Variants in DIS3L2 observed in about 807,000 individuals in gnomAD.
DIS3L2 encodes DIS3-like exonuclease 2.
Under a neutral mutation model 97.5 loss-of-function variants are expected in DIS3L2, and 34 were observed. The observed-to-expected ratio is 0.35, with a 90% CI of 0.27 to 0.46. The LOEUF (loss-of-function observed/expected upper bound fraction) is 0.46. Ranked by LOEUF, DIS3L2 falls within the 20% of genes least tolerant of loss-of-function variation. The probability of loss-of-function intolerance (pLI) is 1.00; values close to 1 mark genes in which losing one functional copy is unlikely to be tolerated. For synonymous variants in DIS3L2, 435 were observed against 445.2 expected, an observed-to-expected ratio of 0.98 and a Z score of 0.29; for missense variants, 1,038 against 1,146.0, an observed-to-expected ratio of 0.91 and a Z score of 1.36.
intron 14 of DIS3L2, among the ~76,000 whole-genome samples, chr2:232,305,232 C>T (rs184954332): frequency 1.3e-3 from 198 of 152,150 alleles, no homozygotes; most frequent in African/African-American, 4.5e-3. Context: ...CGCACCACCA[C>T]GCAGGGCTAA....
chr2:232,155,227 C>A (rs1291321778), intron 8 of DIS3L2, among the ~76,000 whole-genome samples: 1 of 57,490 alleles, frequency 1.7e-5, no homozygotes, highest in African/African-American at 1.1e-4. Flanking sequence ...TGGCTCCTCC[C>A]CCCTCCTTAA....
At chr2:232,173,299 A>C (rs1240552961) in intron 9 of DIS3L2, among the ~76,000 whole-genome samples, 2 of 152,070 alleles carry the variant, frequency 1.3e-5, no homozygotes, top group Non-Finnish European at 2.9e-5. Flanking sequence ...CAGTAGTGCG[A>C]GCTCAGCTGC....
intron 5 of DIS3L2, among the ~76,000 whole-genome samples, chr2:232,041,394 G>C (rs1199918125): frequency 6.6e-6 from 1 of 152,166 alleles, no homozygotes; most frequent in Admixed American, 6.5e-5. Flanking sequence ...GGGGCTTTGG[G>C]ACAGGGTGCT....
chr2:231,970,304 G>A (rs190045990), intron 1 of DIS3L2, among the ~76,000 whole-genome samples: 34 of 152,244 alleles, frequency 2.2e-4, no homozygotes, highest in Admixed American at 1.7e-3. Context: ...ACAGCCATTT[G>A]TTGCCTAACA....
chr2:232,315,043 A>T (rs913666798), intron 14 of DIS3L2, among the ~76,000 whole-genome samples: 3 of 152,146 alleles, frequency 2.0e-5, no homozygotes, highest in African/African-American at 7.2e-5. Context: ...CCTCATGCTA[A>T]GCTTTTTAAG....
intron 13 of DIS3L2, among the ~76,000 whole-genome samples, chr2:232,288,011 A>G (rs1211535845): frequency 6.6e-6 from 1 of 152,184 alleles, no homozygotes; most frequent in African/African-American, 2.4e-5. Context: ...TTGTGGCTGG[A>G]TGGTAGTGGA....
intron 9 of DIS3L2, among the ~76,000 whole-genome samples, chr2:232,192,704 C>T (rs933601321): frequency 2.6e-5 from 4 of 152,170 alleles, no homozygotes; most frequent in East Asian, 1.9e-4. Flanking sequence ...TCGTAGCTTT[C>T]GATAATGATA....
chr2:232,337,523 C>T (rs1429936080), downstream of DIS3L2, among the ~76,000 whole-genome samples: 6 of 152,040 alleles, frequency 3.9e-5, no homozygotes, highest in Non-Finnish European at 5.9e-5. Context: ...GACACGGATC[C>T]CACCTGCCTC....
chr2:232,103,898 T>G (rs1428349031), intron 6 of DIS3L2, among the ~76,000 whole-genome samples: 1 of 152,204 alleles, frequency 6.6e-6, no homozygotes, highest in African/African-American at 2.4e-5. Context: ...ATAATACATT[T>G]TGAGCACATA....
intron 9 of DIS3L2, among the ~76,000 whole-genome samples, chr2:232,202,904 C>T (rs1478472413): frequency 1.3e-5 from 2 of 152,182 alleles, no homozygotes; most frequent in South Asian, 4.1e-4. Flanking sequence ...AGGCGCAGCC[C>T]CACTGAGCAA....
intron 6 of DIS3L2, among the ~76,000 whole-genome samples, chr2:232,115,892 C>T (rs952357797): frequency 3.3e-5 from 5 of 152,110 alleles, no homozygotes; most frequent in African/African-American, 2.4e-5. Context: ...AAGGCTGGCG[C>T]GGTGGCTCAC....
In DIS3L2 at chr2:232,265,400, ATC is replaced by A. The variant is rs567200597; in HGVS notation, c.1659+1961_1659+1962del. 4.2e-3 allele frequency among the ~76,000 whole-genome samples: 634 copies of A among 152,300 alleles called. 9 individuals carry two copies. Among genetic ancestry groups the A allele is most frequent in the African/African-American group, 0.015 (617 of 41,566 alleles). On this transcript the variant is annotated intron_variant, in intron 13 of 20. Coordinates refer to ENST00000325385, the MANE Select transcript of DIS3L2 (RefSeq NM_152383.5). ...CTAACGAGCCAAAATCTGTCTCTCT[ATC>A]CCTGGCCTCCCTCCCCCAGCTCTAG...
intron 14 of DIS3L2, among the ~76,000 whole-genome samples, chr2:232,306,896 C>T (rs549486098): frequency 3.3e-5 from 5 of 152,280 alleles, no homozygotes; most frequent in South Asian, 2.1e-4. Context: ...CACGCTCCTG[C>T]GTACAACGTG....
chr2:232,212,093 A>G (rs138270746), intron 10 of DIS3L2, among the ~76,000 whole-genome samples: 2 of 152,326 alleles, frequency 1.3e-5, no homozygotes, highest in African/African-American at 4.8e-5. Context: ...TAGAGAAATT[A>G]TATCTTTTTA....
chr2:232,335,932 T>C, intron 20 of DIS3L2, 58 bp downstream of exon 20: 1 of 1,547,858 alleles, frequency 6.5e-7, no homozygotes. Context: ...TCCTGCCTCC[T>C]GCGGTGCCCC....
At chr2:232,341,075 GAC>G, downstream of DIS3L2, 3 of 384,564 alleles carry the variant, frequency 7.8e-6, no homozygotes, top group Middle Eastern at 6.0e-4. Flanking sequence ...CCACCGTGGA[GAC>G]ACATTTCAGC....
At chr2:232,008,363 T>C (rs1170316717) in intron 1 of DIS3L2, among the ~76,000 whole-genome samples, 1 of 152,060 alleles carries the variant, frequency 6.6e-6, no homozygotes. Context: ...TAGTAATTTT[T>C]ATTTCTGGGA....
chr2:232,341,913 G>A (rs552394129), downstream of DIS3L2, among the ~76,000 whole-genome samples: 61 of 152,302 alleles, frequency 4.0e-4, no homozygotes, highest in African/African-American at 1.4e-3. Flanking sequence ...AGCACCAGTT[G>A]GGCAGCCACG....
intron 5 of DIS3L2, among the ~76,000 whole-genome samples, chr2:232,048,605 G>A (rs1164591914): frequency 6.6e-6 from 1 of 151,936 alleles, no homozygotes; most frequent in Non-Finnish European, 1.5e-5. Flanking sequence ...GGCGGGGTGC[G>A]CCTGTAGTCC....
Sources: gnomAD v4.1 joint callset for allele counts (sites outside exome capture counted in the v4.1 genomes callset) on GRCh38, gnomAD v4.1.1 for gene constraint, MANE v1.5 for transcripts, NCBI Gene and HGNC (gene_info 2026-07-23, HGNC 2026-07-21) for gene names.